The following PPIP5K2 variants were observed in gnomAD, a reference collection of about 807,000 sequenced individuals.
PPIP5K2 encodes diphosphoinositol pentakisphosphate kinase 2.
Under a neutral mutation model 154.6 loss-of-function variants are expected in PPIP5K2, and 105 were observed. The ratio of observed to expected loss-of-function variants is 0.68; its 90% CI spans 0.58 to 0.80. The LOEUF is 0.80. Ranked by LOEUF, PPIP5K2 falls within the 30% of genes least tolerant of loss-of-function variation. PPIP5K2 has a pLI of 0.00. For missense variants in PPIP5K2, 992 were observed against 1,504.6 expected (o/e 0.66, Z 5.64); for synonymous variants, 480 against 490.3 (o/e 0.98, Z 0.28).
At position 103,180,007 on chromosome 5, in the gene PPIP5K2, T is replaced by G. The variant is rs781922454; in HGVS notation, c.2755-14T>G. 2 of 1,516,190 alleles carry G rather than the reference T, an allele frequency of 1.3e-6. No individual in the cohort carries two copies. Among genetic ancestry groups the G allele is most frequent in the Non-Finnish European group, 1.8e-6 (2 of 1,134,220 alleles). 93.9% of individuals were successfully genotyped at this position (1,516,190 alleles called of 1,614,324 possible). On this transcript the variant is annotated splice_polypyrimidine_tract_variant and intron_variant, in intron 23 of 30. Coordinates refer to ENST00000358359, the MANE Select transcript of PPIP5K2 (RefSeq NM_001276277.3). Reference sequence around the variant, plus strand: ...ATCTGAATAGTAAAAGTGTTTTATATTCTTTGCTCACAGAATGAAGGCAGG... The same window carrying G: ...ATCTGAATAGTAAAAGTGTTTTATAGTCTTTGCTCACAGAATGAAGGCAGG...
At chr5:103,181,717 T>C (rs935236001) in intron 24 of PPIP5K2, among the ~76,000 whole-genome samples, 1 of 152,166 alleles carries the variant, frequency 6.6e-6, no homozygotes. Flanking sequence ...AGGTATAGCA[T>C]TTTTTAGCAT....
chr5:103,122,456 G>T (rs1372728894), intron 1 of PPIP5K2, among the ~76,000 whole-genome samples: 1 of 152,118 alleles, frequency 6.6e-6, no homozygotes, highest in Admixed American at 6.5e-5. Context: ...TGCAGGTTCA[G>T]CAAAAAGATA....
chr5:103,196,993 G>C (rs1019008349), intron 30 of PPIP5K2, among the ~76,000 whole-genome samples: 3 of 152,106 alleles, frequency 2.0e-5, no homozygotes, highest in African/African-American at 7.2e-5. Context: ...CAGGGTAAGA[G>C]AGCATTTCAG....
At chr5:103,165,056 G>A (rs185895891) in intron 17 of PPIP5K2, among the ~76,000 whole-genome samples, 16 of 152,148 alleles carry the variant, frequency 1.1e-4, no homozygotes, top group Admixed American at 1.0e-3. Flanking sequence ...AATAATAGAT[G>A]CCTAGAGTTA....
chr5:103,143,030 G>A (rs1334618685), intron 5 of PPIP5K2, among the ~76,000 whole-genome samples: 1 of 152,060 alleles, frequency 6.6e-6, no homozygotes, highest in East Asian at 1.9e-4. Context: ...AAAATGTAGA[G>A]TTTTTAAAAT....
At chr5:103,125,018 A>G (rs1232454633) in intron 1 of PPIP5K2, among the ~76,000 whole-genome samples, 1 of 152,228 alleles carries the variant, frequency 6.6e-6, no homozygotes, top group African/African-American at 2.4e-5. Context: ...TTGTTAAGGC[A>G]AGTTTTGTAG....
intron 1 of PPIP5K2, among the ~76,000 whole-genome samples, chr5:103,128,781 A>G (rs1413466630): frequency 6.6e-6 from 1 of 152,116 alleles, no homozygotes; most frequent in Non-Finnish European, 1.5e-5. Flanking sequence ...TTCTGACTCT[A>G]ATCTTTTTTT....
At chr5:103,145,531 C>T (rs984820465) in intron 5 of PPIP5K2, among the ~76,000 whole-genome samples, 3 of 151,880 alleles carry the variant, frequency 2.0e-5, no homozygotes, top group Admixed American at 1.3e-4. Context: ...AATGTGGTAC[C>T]TATAGATAAT....
At chr5:103,159,851 T>C (rs1795952732) in intron 17 of PPIP5K2, among the ~76,000 whole-genome samples, 1 of 152,150 alleles carries the variant, frequency 6.6e-6, no homozygotes, top group Non-Finnish European at 1.5e-5. Flanking sequence ...AATCACCATG[T>C]TGTACAATAG....
At chr5:103,131,448 A>G (rs1251137520) in intron 2 of PPIP5K2, among the ~76,000 whole-genome samples, 1 of 152,128 alleles carries the variant, frequency 6.6e-6, no homozygotes, top group African/African-American at 2.4e-5. Context: ...CCCCCCAAAT[A>G]TCTTCAATAC....
chr5:103,178,138 T>C (rs6871731), intron 23 of PPIP5K2, among the ~76,000 whole-genome samples, 158 bp downstream of exon 23: 2,862 of 152,198 alleles, frequency 0.019, 91 homozygotes, highest in African/African-American at 0.066. Flanking sequence ...GTATAGACTG[T>C]ACTTTTATGC....
At chr5:103,188,650 A>G (rs1466379258) in intron 28 of PPIP5K2, 3 of 152,228 alleles carry the variant, frequency 2.0e-5, no homozygotes, top group African/African-American at 4.8e-5. Context: ...CAGAAGTCAC[A>G]AGAAAAACAG....
At chr5:103,149,644 T>C (rs995537386) in intron 8 of PPIP5K2, among the ~76,000 whole-genome samples, 1 of 152,190 alleles carries the variant, frequency 6.6e-6, no homozygotes, top group African/African-American at 2.4e-5. Flanking sequence ...AAGATTTTTT[T>C]GTTGAATGAA....
intron 30 of PPIP5K2, 71 bp downstream of exon 30, chr5:103,195,096 G>C: frequency 6.4e-7 from 1 of 1,568,600 alleles, no homozygotes; most frequent in South Asian, 1.2e-5. Flanking sequence ...CTTTTTAAAT[G>C]TCAAATTTGT....
intron 26 of PPIP5K2, among the ~76,000 whole-genome samples, 154 bp from the exon 27 acceptor site, chr5:103,186,166 A>G (rs557807130): frequency 3.6e-4 from 55 of 152,322 alleles, no homozygotes; most frequent in African/African-American, 1.2e-3. Context: ...AACTGACCTC[A>G]TTAGGAAATT....
chr5:103,174,787 A>G (rs1554220486), intron 21 of PPIP5K2, among the ~76,000 whole-genome samples: 8 of 152,106 alleles, frequency 5.3e-5, no homozygotes. Context: ...ACAGCACCAG[A>G]TGGGCTGAGT....
rs781880953 is a variant in PPIP5K2, at chr5:103,183,479, C to T, written c.3096+72C>T. ...AGCAACAAACAGCTGTCTTTGAGGACATCTAATCCCTTGTATTTCACATCA... is the reference window on the plus strand; with the variant it reads ...AGCAACAAACAGCTGTCTTTGAGGATATCTAATCCCTTGTATTTCACATCA... On this transcript the variant is annotated intron_variant, in intron 25 of 30. Coordinates refer to ENST00000358359, the MANE Select transcript of PPIP5K2 (RefSeq NM_001276277.3). 471 of 1,265,512 alleles carry T rather than the reference C, an allele frequency of 3.7e-4. 2 individuals are homozygous for T. Among genetic ancestry groups the T allele is most frequent in the Non-Finnish European group, 5.0e-4 (454 of 899,358 alleles). The allele number at this position is 1,265,512 out of a possible 1,614,324, so 78.4% of individuals were successfully genotyped here.
At chr5:103,187,463 A>G in intron 28 of PPIP5K2, 87 bp downstream of exon 28, 1 of 1,052,698 alleles carries the variant, frequency 9.5e-7, no homozygotes, top group Non-Finnish European at 1.4e-6. Context: ...GGTATACAGT[A>G]TCATTCATTT....
rs782788409 is a variant in PPIP5K2 at position 103,152,670 on chromosome 5, G to A, written c.1051G>A (p.Ala351Thr). The change falls in exon 10 of 31, where the codon GCT (alanine) becomes ACT (threonine). Residue 351 changes from alanine (A) to threonine (T), a missense_variant. Around this residue, in one of 9 missense-constraint regions of PPIP5K2, gnomAD observed 163 missense variants for 285.2 expected, o/e 0.57. Transcript: ENST00000358359. Reference sequence around the variant, plus strand: ...AAGAAATATTGTAATGCGAGAACTTGCTCCACAATTTCATATTCCATGGTC... The same window carrying A: ...AAGAAATATTGTAATGCGAGAACTTACTCCACAATTTCATATTCCATGGTC... ...ILGNIVMRELAPQFHIPWSIP... is the reference protein window; with the variant it reads ...ILGNIVMRELTPQFHIPWSIP... 5 of 1,593,422 alleles carry A rather than the reference G, an allele frequency of 3.1e-6. No homozygotes were observed. The highest frequency in any genetic ancestry group is 4.3e-6 in the Non-Finnish European group (5 of 1,162,356).
Sources: allele counts gnomAD v4.1 joint callset (sites outside exome capture counted in the v4.1 genomes callset), GRCh38; gene constraint gnomAD v4.1.1; regional missense constraint gnomAD v4.1.1; transcripts MANE v1.5; gene names NCBI Gene and HGNC (gene_info 2026-07-23, HGNC 2026-07-21).